Variants in BOLL observed in about 807,000 individuals in gnomAD.
BOLL encodes the protein boule RNA binding protein, also known as protein boule-like.
BOLL carries 23 observed loss-of-function variants against 44.4 expected under a neutral mutation model. That is an observed-to-expected ratio of 0.52 (90% CI 0.37 to 0.73). BOLL has a LOEUF of 0.73. BOLL is among the 30% of genes least tolerant of loss of function. The probability of loss-of-function intolerance (pLI) is 0.00; values close to 1 mark genes in which losing one functional copy is unlikely to be tolerated. For missense variants in BOLL, 287 were observed against 338.3 expected (o/e 0.85, Z 1.19); for synonymous variants, 97 against 110.8 (o/e 0.88, Z 0.78).
At position 197,753,333 on chromosome 2, in the gene BOLL, A is replaced by G. The variant is rs186269749; in HGVS notation, c.729+3095T>C. The stretch of plus-strand genomic sequence containing the variant: ...GAGCTTCTGAACAGCAAAAGAAACT[A>G]TCATCAGAGTGAACAGGCAACATAC... On this transcript the variant is annotated intron_variant, in intron 9 of 10. Coordinates refer to ENST00000392296, the MANE Select transcript of BOLL (RefSeq NM_033030.6). Among the ~76,000 whole-genome samples, 407 of 152,340 alleles carry G rather than the reference A, an allele frequency of 2.7e-3. 3 individuals are homozygous for G. Among genetic ancestry groups the G allele is most frequent in the Middle Eastern group, 0.01 (3 of 294 alleles).
At chr2:197,745,184 G>T (rs1304010768) in intron 9 of BOLL, among the ~76,000 whole-genome samples, 2 of 152,108 alleles carry the variant, frequency 1.3e-5, no homozygotes, top group African/African-American at 4.8e-5. Context: ...AGTACTGAGG[G>T]CTTGGCAAAG....
chr2:197,781,833 TAATG>T lies in BOLL; in HGVS notation c.14_17del (p.Ser5TyrfsTer13). 1 of 1,603,730 alleles carries T rather than the reference TAATG, an allele frequency of 6.2e-7. No individual in the cohort carries two copies. The highest frequency in any genetic ancestry group is 8.5e-7 in the Non-Finnish European group (1 of 1,173,180). ...GTGACACAGGATTAGGGGATGGAGA[TAATG>T]AATCTGTTTGCATCTGGTTTGATGT... On this transcript the variant is annotated frameshift_variant, in exon 2 of 11. Transcript: ENST00000392296. LOFTEE classifies it high-confidence loss of function.
intron 7 of BOLL, among the ~76,000 whole-genome samples, chr2:197,760,587 C>G (rs1574843147): frequency 6.6e-6 from 1 of 152,328 alleles, no homozygotes; most frequent in Middle Eastern, 3.4e-3. Context: ...TGTACACAGC[C>G]CTGACCTGAG....
At chr2:197,761,911 T>TA (rs35378774) in intron 7 of BOLL, among the ~76,000 whole-genome samples, 109,950 of 152,070 alleles carry the variant, frequency 0.72, 40,887 homozygotes, top group African/African-American at 0.9. Context: ...TATAACAATG[T>TA]AATACATATG....
intron 9 of BOLL, among the ~76,000 whole-genome samples, chr2:197,755,165 T>C (rs1430557152): frequency 1.3e-5 from 2 of 152,188 alleles, no homozygotes; most frequent in Non-Finnish European, 2.9e-5. Flanking sequence ...CACTGATCAT[T>C]GGAGAAATGC....
In BOLL at chr2:197,773,890, A is replaced by G. The variant is rs111947804; in HGVS notation, c.352+1775T>C. On this transcript the variant is annotated intron_variant, in intron 5 of 10. Coordinates refer to ENST00000392296, the MANE Select transcript of BOLL (RefSeq NM_033030.6). ...GATGTTTTTCCAGGAATTAAGGTAA[A>G]CAAAGTGGTTAGTTGGGACTCGGGT... 1,197 of 315,322 alleles carry G rather than the reference A, an allele frequency of 3.8e-3. 26 individuals carry two copies. Among genetic ancestry groups the G allele is most frequent in the African/African-American group, 0.024 (1,075 of 43,878 alleles). 19.5% of individuals were successfully genotyped at this position (315,322 alleles called of 1,614,324 possible).
chr2:197,748,321 C>T (rs1031494414), intron 9 of BOLL, among the ~76,000 whole-genome samples: 10 of 152,224 alleles, frequency 6.6e-5, no homozygotes, highest in East Asian at 1.9e-4. Flanking sequence ...GGGCAGACAC[C>T]GAGCTAGCTA....
chr2:197,764,860 T>TA (rs1310175285), intron 7 of BOLL, among the ~76,000 whole-genome samples: 1 of 152,048 alleles, frequency 6.6e-6, no homozygotes, highest in Non-Finnish European at 1.5e-5. Flanking sequence ...CTTTTTTATA[T>TA]AATAAAACTG....
intron 2 of BOLL, 108 bp downstream of exon 2, chr2:197,781,614 T>G: frequency 9.0e-7 from 1 of 1,107,120 alleles, no homozygotes; most frequent in South Asian, 2.6e-5. Context: ...TCAAAATCTG[T>G]TAATCATTAT....
At chr2:197,733,705 A>G (rs1268459711) in intron 10 of BOLL, among the ~76,000 whole-genome samples, 2 of 152,152 alleles carry the variant, frequency 1.3e-5, no homozygotes, top group African/African-American at 2.4e-5. Context: ...AAAACAAGCA[A>G]TGGGGAAAGG....
chr2:197,756,173 A>G (rs1163549971), intron 9 of BOLL, among the ~76,000 whole-genome samples: 1 of 152,206 alleles, frequency 6.6e-6, no homozygotes, highest in East Asian at 1.9e-4. Context: ...GAATTTTACT[A>G]TTTCAAAAAG....
chr2:197,756,596 G>T, intron 8 of BOLL, 40 bp from the exon 9 acceptor site: 1 of 1,526,778 alleles, frequency 6.5e-7, no homozygotes, highest in African/African-American at 1.4e-5. Context: ...AATATGATTA[G>T]TTATTTCTGT....
chr2:197,772,939 A>G (rs1335440939), intron 5 of BOLL, among the ~76,000 whole-genome samples: 1 of 151,974 alleles, frequency 6.6e-6, no homozygotes, highest in East Asian at 1.9e-4. Context: ...AATCTGGGAC[A>G]GGGCCTAAGA....
chr2:197,767,613 G>T (rs1223208011), intron 6 of BOLL, among the ~76,000 whole-genome samples: 1 of 151,904 alleles, frequency 6.6e-6, no homozygotes, highest in Non-Finnish European at 1.5e-5. Context: ...TCTCAACCAT[G>T]AGTGATTTTG....
At chr2:197,758,214 GTATCATT>G (rs1688603855) in intron 7 of BOLL, among the ~76,000 whole-genome samples, 1 of 152,140 alleles carries the variant, frequency 6.6e-6, no homozygotes, top group Non-Finnish European at 1.5e-5. Context: ...GTCCATCGCA[GTATCATT>G]TATAACAGTC....
chr2:197,729,622 G>C (rs1002500314), intron 10 of BOLL, among the ~76,000 whole-genome samples: 29 of 152,316 alleles, frequency 1.9e-4, no homozygotes, highest in Non-Finnish European at 3.4e-4. Flanking sequence ...ATCTGAGAAC[G>C]GGCAGACTGC....
intron 2 of BOLL, among the ~76,000 whole-genome samples, chr2:197,780,601 TCTTA>T (rs1209872088): frequency 2.0e-5 from 3 of 152,090 alleles, no homozygotes; most frequent in South Asian, 2.1e-4. Flanking sequence ...AAATAATTTT[TCTTA>T]CTTTATTTTT....
intron 9 of BOLL, among the ~76,000 whole-genome samples, chr2:197,747,828 AT>A: frequency 6.6e-6 from 1 of 152,320 alleles, no homozygotes; most frequent in East Asian, 1.9e-4. Context: ...ACACAGACCA[AT>A]GGAACAGGAT....
chr2:197,736,267 T>C (rs1687482192), intron 10 of BOLL, among the ~76,000 whole-genome samples: 1 of 152,078 alleles, frequency 6.6e-6, no homozygotes, highest in South Asian at 2.1e-4. Flanking sequence ...GTGAAGAGTG[T>C]TCTACAAAAT....
Sources: allele counts gnomAD v4.1 joint callset (sites outside exome capture counted in the v4.1 genomes callset), GRCh38; gene constraint gnomAD v4.1.1; transcripts MANE v1.5; gene names NCBI Gene and HGNC (gene_info 2026-07-23, HGNC 2026-07-21).